RPS6KC1: variants seen among roughly 807,000 people sequenced by gnomAD.
The protein encoded by RPS6KC1 is ribosomal protein S6 kinase C1, also known as inactive ribosomal protein S6 kinase delta-1.
Under a neutral mutation model 103.8 loss-of-function variants are expected in RPS6KC1, and 54 were observed. The observed-to-expected ratio is 0.52, with a 90% CI of 0.42 to 0.65. The LOEUF is 0.65. Ranked by LOEUF, RPS6KC1 falls within the 30% of genes least tolerant of loss-of-function variation. The pLI is 0.00. For missense variants in RPS6KC1, 1,151 were observed against 1,253.8 expected (o/e 0.92, Z 1.24); for synonymous variants, 439 against 438.7 (o/e 1.00, Z -0.01).
At chr1:213,772,183 G>A in the RPS6KC1 span, among the ~76,000 whole-genome samples, 1 of 152,110 alleles carries the variant, frequency 6.6e-6, no homozygotes, top group Admixed American at 6.5e-5. Context: ...GGATAGTATC[G>A]CTTATCTTCT....
chr1:213,455,676 A>T, the RPS6KC1 span, among the ~76,000 whole-genome samples: 1 of 152,204 alleles, frequency 6.6e-6, no homozygotes, highest in Non-Finnish European at 1.5e-5. Flanking sequence ...TGAAGGGCCC[A>T]TGACAGAACC....
chr1:213,369,667 G>A, the RPS6KC1 span, among the ~76,000 whole-genome samples: 1 of 152,228 alleles, frequency 6.6e-6, no homozygotes, highest in East Asian at 1.9e-4. Context: ...TATTTGTTTG[G>A]CTGTCTCCAC....
the RPS6KC1 span, among the ~76,000 whole-genome samples, chr1:213,655,312 G>T: frequency 7.2e-6 from 1 of 137,940 alleles, no homozygotes; most frequent in African/African-American, 2.5e-5. Flanking sequence ...CAATGTACTG[G>T]GATTACAGGC....
the RPS6KC1 span, among the ~76,000 whole-genome samples, chr1:213,657,792 C>A: frequency 0.011 from 1,660 of 152,330 alleles, 13 homozygotes; most frequent in South Asian, 0.029. Context: ...TTCTTAATTT[C>A]TCTCCCTCTT....
chr1:213,400,076 C>T, the RPS6KC1 span, among the ~76,000 whole-genome samples: 1 of 152,012 alleles, frequency 6.6e-6, no homozygotes, highest in African/African-American at 2.4e-5. Context: ...AAGAGGTGGG[C>T]GGGGCTGCAT....
chr1:213,629,480 C>T, the RPS6KC1 span, among the ~76,000 whole-genome samples: 10,339 of 152,092 alleles, frequency 0.068, 411 homozygotes, highest in South Asian at 0.14. Flanking sequence ...TGTGTGTTTC[C>T]GCATGTGAGA....
At chr1:213,164,710 G>A (rs533561028) in intron 6 of RPS6KC1, among the ~76,000 whole-genome samples, 4 of 152,058 alleles carry the variant, frequency 2.6e-5, no homozygotes, top group South Asian at 2.1e-4. Context: ...CCACAGGTGC[G>A]CACCAACACG....
chr1:213,220,257 C>T (rs2093796799), intron 8 of RPS6KC1, among the ~76,000 whole-genome samples: 1 of 152,176 alleles, frequency 6.6e-6, no homozygotes, highest in Admixed American at 6.5e-5. Flanking sequence ...ATAACTAATT[C>T]TCTGTGGAAG....
chr1:213,362,309 A>G, the RPS6KC1 span, among the ~76,000 whole-genome samples: 10 of 152,200 alleles, frequency 6.6e-5, no homozygotes, highest in Non-Finnish European at 1.3e-4. Flanking sequence ...TTTCTCGGCT[A>G]TGTAACTCTA....
chr1:213,355,134 C>T, the RPS6KC1 span, among the ~76,000 whole-genome samples: 3 of 152,080 alleles, frequency 2.0e-5, no homozygotes, highest in Admixed American at 6.5e-5. Context: ...AGGAGAATCA[C>T]TTGAACCCAG....
chr1:213,421,117 GT>G, the RPS6KC1 span, among the ~76,000 whole-genome samples: 4 of 152,002 alleles, frequency 2.6e-5, no homozygotes, highest in African/African-American at 9.7e-5. Context: ...CATATGTTTG[GT>G]TTTTTTGTTT....
At chr1:213,681,214 T>C in the RPS6KC1 span, among the ~76,000 whole-genome samples, 2 of 152,240 alleles carry the variant, frequency 1.3e-5, no homozygotes, top group African/African-American at 2.4e-5. Flanking sequence ...CCGCCAACCA[T>C]GTCTTGAATC....
At chr1:213,374,055 T>C in the RPS6KC1 span, among the ~76,000 whole-genome samples, 3 of 152,204 alleles carry the variant, frequency 2.0e-5, no homozygotes, top group East Asian at 5.8e-4. Context: ...AATAACATCC[T>C]GGAGCAAACA....
In RPS6KC1 at chr1:213,190,089, A is replaced by T. The variant is rs368742767; in HGVS notation, c.1044+13597A>T. Among the ~76,000 whole-genome samples, 4 of 152,272 alleles carry T rather than the reference A, an allele frequency of 2.6e-5. No homozygotes were observed. In the South Asian group the frequency reaches 8.3e-4, roughly 32 times the overall value. The stretch of plus-strand genomic sequence containing the variant: ...ACTTAGATTGCTTCAAATCTTGGCT[A>T]TTGTGAATAGTGCTGCAGTAAACAT... On this transcript the variant is annotated intron_variant, in intron 8 of 14. Coordinates refer to ENST00000366960, the MANE Select transcript of RPS6KC1 (RefSeq NM_012424.6).
At chr1:213,414,064 C>T in the RPS6KC1 span, among the ~76,000 whole-genome samples, 11 of 152,174 alleles carry the variant, frequency 7.2e-5, no homozygotes, top group Non-Finnish European at 1.3e-4. Context: ...ATGACCATCT[C>T]CCCTCACCCC....
the RPS6KC1 span, among the ~76,000 whole-genome samples, chr1:213,378,345 G>T: frequency 6.6e-6 from 1 of 152,242 alleles, no homozygotes; most frequent in Non-Finnish European, 1.5e-5. Flanking sequence ...TATGGGACTG[G>T]TGGGAGGATT....
At chr1:213,171,758 T>C (rs1347640784) in intron 7 of RPS6KC1, among the ~76,000 whole-genome samples, 1 of 152,206 alleles carries the variant, frequency 6.6e-6, no homozygotes. Context: ...AGTGAGACAT[T>C]TGCTTAAGTC....
the RPS6KC1 span, among the ~76,000 whole-genome samples, chr1:213,466,543 AG>A: frequency 6.6e-6 from 1 of 152,198 alleles, no homozygotes; most frequent in Admixed American, 6.6e-5. Flanking sequence ...AAAGAGAAGG[AG>A]GGGATGAGAT....
At chr1:213,695,276 C>G in the RPS6KC1 span, among the ~76,000 whole-genome samples, 1 of 152,188 alleles carries the variant, frequency 6.6e-6, no homozygotes, top group African/African-American at 2.4e-5. Flanking sequence ...TTCAATGATG[C>G]CTTAGAAATG....
Sources: allele counts gnomAD v4.1 joint callset (sites outside exome capture counted in the v4.1 genomes callset), GRCh38; gene constraint gnomAD v4.1.1; transcripts MANE v1.5; gene names NCBI Gene and HGNC (gene_info 2026-07-23, HGNC 2026-07-21).